CSMD3: variants seen among roughly 807,000 people sequenced by gnomAD.
CSMD3 encodes the protein CUB and sushi domain-containing protein 3.
A neutral mutation model predicts 435.2 loss-of-function variants in CSMD3; 177 were observed. The ratio of observed to expected loss-of-function variants is 0.41; its 90% CI spans 0.36 to 0.46. The LOEUF (loss-of-function observed/expected upper bound fraction) is 0.46. Ranked by LOEUF, CSMD3 falls within the 20% of genes least tolerant of loss-of-function variation. The pLI is 0.34. For synonymous variants in CSMD3, 1,656 were observed against 1,520.5 expected (o/e 1.09, Z -2.07); for missense variants, 4,265 against 4,504.6 (o/e 0.95, Z 1.52).
At chr8:112,689,838 C>G (rs781645280) in intron 14 of CSMD3, 30 bp downstream of exon 14, 1 of 1,588,642 alleles carries the variant, frequency 6.3e-7, no homozygotes, top group Non-Finnish European at 8.6e-7. Context: ...GTAACATATG[C>G]TATCTGGAAG....
At chr8:113,129,441 C>A (rs150600008) in intron 4 of CSMD3, among the ~76,000 whole-genome samples, 1 of 152,026 alleles carries the variant, frequency 6.6e-6, no homozygotes, top group Non-Finnish European at 1.5e-5. Flanking sequence ...GGCTTTCCTA[C>A]GGAACAGTAT....
At chr8:113,122,052 A>T (rs1226752070) in intron 4 of CSMD3, among the ~76,000 whole-genome samples, 1 of 152,136 alleles carries the variant, frequency 6.6e-6, no homozygotes, top group South Asian at 2.1e-4. Flanking sequence ...AAGAAAATAC[A>T]TCATTTCAAA....
intron 16 of CSMD3, among the ~76,000 whole-genome samples, chr8:112,674,838 A>C (rs1483138610): frequency 6.6e-6 from 1 of 152,142 alleles, no homozygotes; most frequent in Non-Finnish European, 1.5e-5. Context: ...GCTTGAAGAT[A>C]AGGAGACTAG....
chr8:113,303,700 G>C (rs572067083), intron 2 of CSMD3, among the ~76,000 whole-genome samples: 1 of 136,098 alleles, frequency 7.3e-6, no homozygotes, highest in South Asian at 2.7e-4. Context: ...GGGAAAACTG[G>C]CTAGCCATAT....
intron 1 of CSMD3, among the ~76,000 whole-genome samples, chr8:113,318,655 T>C (rs2093927596): frequency 6.6e-6 from 1 of 152,080 alleles, no homozygotes; most frequent in Admixed American, 6.6e-5. Flanking sequence ...AAAAAAAATA[T>C]ATTCCACATA....
intron 14 of CSMD3, among the ~76,000 whole-genome samples, chr8:112,687,795 T>C (rs11985496): frequency 0.011 from 1,695 of 152,190 alleles, 33 homozygotes; most frequent in African/African-American, 0.039. Flanking sequence ...CATTGAAAAA[T>C]CATCATATTT....
At chr8:112,876,098 T>C (rs530801349) in intron 10 of CSMD3, among the ~76,000 whole-genome samples, 121 of 152,228 alleles carry the variant, frequency 7.9e-4, no homozygotes, top group African/African-American at 2.1e-3. Flanking sequence ...GATGGGTTCC[T>C]GGGCACATAC....
At chr8:113,221,627 G>T (rs1335043295) in intron 3 of CSMD3, among the ~76,000 whole-genome samples, 3 of 151,128 alleles carry the variant, frequency 2.0e-5, no homozygotes, top group African/African-American at 7.3e-5. Flanking sequence ...TACCATGCAG[G>T]TCTCCTTGCT....
chr8:112,225,686 A>G (rs772982946), intron 70 of CSMD3, among the ~76,000 whole-genome samples: 6 of 152,154 alleles, frequency 3.9e-5, no homozygotes, highest in Non-Finnish European at 5.9e-5. Flanking sequence ...GCTCAATTTT[A>G]TTTTTTAAAT....
At chr8:112,968,190 G>T (rs1267879768) in intron 7 of CSMD3, among the ~76,000 whole-genome samples, 2 of 151,810 alleles carry the variant, frequency 1.3e-5, no homozygotes, top group Non-Finnish European at 2.9e-5. Flanking sequence ...CCACTTCTAT[G>T]TTTGTTTTTA....
chr8:112,639,428 C>T (rs1374483506), intron 20 of CSMD3, among the ~76,000 whole-genome samples: 1 of 152,148 alleles, frequency 6.6e-6, no homozygotes, highest in Non-Finnish European at 1.5e-5. Flanking sequence ...ATTTGTCACA[C>T]ATTTCAACCT....
At chr8:112,752,898 CGCGTGTGTGT>C (rs1023450660) in intron 13 of CSMD3, among the ~76,000 whole-genome samples, 10 of 96,090 alleles carry the variant, frequency 1.0e-4, no homozygotes, top group Non-Finnish European at 2.0e-4. Flanking sequence ...TATTTGTTAC[CGCGTGTGTGT>C]GTGTGTGTGT....
chr8:113,144,760 G>T (rs981332454), intron 4 of CSMD3, among the ~76,000 whole-genome samples: 5 of 151,508 alleles, frequency 3.3e-5, no homozygotes, highest in African/African-American at 1.2e-4. Context: ...TATCTAAAGA[G>T]ACTATGTGTA....
chr8:112,361,610 T>C (rs886239174), intron 38 of CSMD3, among the ~76,000 whole-genome samples: 2 of 108,392 alleles, frequency 1.8e-5, no homozygotes, highest in African/African-American at 3.0e-5. Context: ...TATATATATA[T>C]ATATATATAT....
chr8:112,245,391 G>C (rs1039903778), intron 64 of CSMD3, among the ~76,000 whole-genome samples: 1 of 151,932 alleles, frequency 6.6e-6, no homozygotes, highest in Non-Finnish European at 1.5e-5. Flanking sequence ...ATCCATAAAA[G>C]TGATCTCTGA....
chr8:112,768,602 T>C (rs1378808313), intron 13 of CSMD3, among the ~76,000 whole-genome samples: 2 of 151,936 alleles, frequency 1.3e-5, no homozygotes, highest in East Asian at 1.9e-4. Context: ...ACAAACTCAT[T>C]GTCTCCTGGT....
chr8:113,275,126 T>C (rs1281879507), intron 3 of CSMD3, among the ~76,000 whole-genome samples: 1 of 152,120 alleles, frequency 6.6e-6, no homozygotes, highest in Non-Finnish European at 1.5e-5. Flanking sequence ...CTGTTTATTA[T>C]GTTAGATCCT....
chr8:112,376,422 G>GA (rs1273172053), intron 38 of CSMD3, among the ~76,000 whole-genome samples: 2 of 152,096 alleles, frequency 1.3e-5, no homozygotes, highest in African/African-American at 4.8e-5. Context: ...AGCAATAACT[G>GA]AAAAGTAAAC....
At chr8:112,322,824 G>A (rs1204248326) in intron 45 of CSMD3, among the ~76,000 whole-genome samples, 1 of 151,976 alleles carries the variant, frequency 6.6e-6, no homozygotes, top group East Asian at 1.9e-4. Context: ...GGGTCCCTAT[G>A]TAGACTTTAA....
Sources: allele counts gnomAD v4.1 joint callset (sites outside exome capture counted in the v4.1 genomes callset), GRCh38; gene constraint gnomAD v4.1.1; transcripts MANE v1.5; gene names NCBI Gene and HGNC (gene_info 2026-07-23, HGNC 2026-07-21).